The following RTL4 variants were observed in gnomAD, a reference collection of about 807,000 sequenced individuals.
RTL4 encodes retrotransposon Gag-like protein 4.
A neutral mutation model predicts 5.3 loss-of-function variants in RTL4; 4 were observed. That is an observed-to-expected ratio of 0.75 (90% CI 0.37 to 1.72). RTL4 has a LOEUF of 1.72. Ranked by LOEUF, RTL4 falls within the 40% of genes most tolerant of loss-of-function variation. RTL4 has a pLI of 0.04. For synonymous variants in RTL4, 98 were observed against 87.3 expected (o/e 1.12, Z -0.68); for missense variants, 260 against 227.1 (o/e 1.14, Z -0.93).
the RTL4 span, among the ~76,000 whole-genome samples, chrX:112,365,696 T>C: frequency 8.1e-5 from 9 of 111,738 alleles, no homozygotes; most frequent in East Asian, 2.0e-3. Context: ...CTCTGATTCT[T>C]GACCTAGATC....
chrX:112,230,770 C>T, the RTL4 span, among the ~76,000 whole-genome samples: 6 of 111,317 alleles, frequency 5.4e-5, no homozygotes, highest in Non-Finnish European at 7.6e-5. Flanking sequence ...CAAAAGAAAC[C>T]ACCATCAGAG....
At chrX:112,365,981 C>T in the RTL4 span, among the ~76,000 whole-genome samples, 4 of 111,203 alleles carry the variant, frequency 3.6e-5, no homozygotes, top group South Asian at 1.1e-3. Context: ...TTACTTTTTT[C>T]CTTCACTTCA....
the RTL4 span, among the ~76,000 whole-genome samples, chrX:112,429,554 T>C: frequency 2.7e-5 from 3 of 111,124 alleles, no homozygotes; most frequent in Non-Finnish European, 3.8e-5. Flanking sequence ...TTGCCATTAT[T>C]ATTTAAAACA....
the RTL4 span, among the ~76,000 whole-genome samples, chrX:112,127,765 T>G: frequency 8.9e-6 from 1 of 112,073 alleles, no homozygotes; most frequent in African/African-American, 3.2e-5. Context: ...TTCGTGTTTC[T>G]GTATACCCAC....
At chrX:112,317,065 T>C in the RTL4 span, among the ~76,000 whole-genome samples, 1 of 111,894 alleles carries the variant, frequency 8.9e-6, no homozygotes, top group Non-Finnish European at 1.9e-5. Context: ...GAGCAAATAA[T>C]GTCTAAACCT....
chrX:112,305,429 C>T, the RTL4 span, among the ~76,000 whole-genome samples: 1 of 109,301 alleles, frequency 9.1e-6, no homozygotes. Context: ...GTGGTGCCAT[C>T]TCGGCTCACT....
At chrX:112,118,228 CCTT>C in the RTL4 span, among the ~76,000 whole-genome samples, 1 of 112,055 alleles carries the variant, frequency 8.9e-6, no homozygotes, top group Non-Finnish European at 1.9e-5. Context: ...GGCTCAGAGT[CCTT>C]CATCAGTTCG....
the RTL4 span, among the ~76,000 whole-genome samples, chrX:112,341,124 G>C: frequency 2.9e-3 from 317 of 108,475 alleles, no homozygotes; most frequent in Non-Finnish European, 4.9e-3. Flanking sequence ...AATATTTAGA[G>C]GACAGAAAAA....
chrX:112,386,195 A>C, the RTL4 span, among the ~76,000 whole-genome samples: 1 of 112,122 alleles, frequency 8.9e-6, no homozygotes, highest in Non-Finnish European at 1.9e-5. Flanking sequence ...TAATAATCAT[A>C]TCAGGGTAAA....
the RTL4 span, among the ~76,000 whole-genome samples, chrX:112,305,750 T>C: frequency 1.3e-4 from 15 of 112,333 alleles, no homozygotes; most frequent in Non-Finnish European, 2.6e-4. Flanking sequence ...ATTCGTTGTA[T>C]AATATATGCC....
the RTL4 span, among the ~76,000 whole-genome samples, chrX:112,214,514 T>G: frequency 8.9e-6 from 1 of 112,413 alleles, no homozygotes; most frequent in Non-Finnish European, 1.9e-5. Context: ...ATTTCAATTC[T>G]TTTGGACATA....
the RTL4 span, among the ~76,000 whole-genome samples, chrX:112,400,606 A>G: frequency 9.0e-6 from 1 of 111,584 alleles, no homozygotes; most frequent in Admixed American, 9.6e-5. Flanking sequence ...TGGAAGACAG[A>G]CATTGTTAAT....
At chrX:112,359,834 T>G in the RTL4 span, among the ~76,000 whole-genome samples, 299 of 111,180 alleles carry the variant, frequency 2.7e-3, 2 homozygotes, top group African/African-American at 9.2e-3. Context: ...CACACAGTTT[T>G]CTGATGTAGG....
At chrX:112,335,006 A>C in the RTL4 span, among the ~76,000 whole-genome samples, 27 of 112,092 alleles carry the variant, frequency 2.4e-4, no homozygotes, top group African/African-American at 8.7e-4. Flanking sequence ...TGCTGGATTT[A>C]ATAAAATGGA....
At chrX:112,446,570 G>A in the RTL4 span, among the ~76,000 whole-genome samples, 1 of 112,410 alleles carries the variant, frequency 8.9e-6, no homozygotes, top group Non-Finnish European at 1.9e-5. Flanking sequence ...GGAATAGGCC[G>A]GGCTCAGTGG....
chrX:112,116,344 G>A, the RTL4 span, among the ~76,000 whole-genome samples: 9 of 111,342 alleles, frequency 8.1e-5, no homozygotes, highest in Non-Finnish European at 1.1e-4. Flanking sequence ...GACCTTCGCA[G>A]TGAGTGTTAC....
chrX:112,098,999 A>G, the RTL4 span, among the ~76,000 whole-genome samples: 2,341 of 111,952 alleles, frequency 0.021, 84 homozygotes, highest in African/African-American at 0.073. Flanking sequence ...CTAAAACACC[A>G]AAAGCAATGG....
At chrX:112,213,833 C>CT in the RTL4 span, among the ~76,000 whole-genome samples, 1,282 of 101,368 alleles carry the variant, frequency 0.013, 6 homozygotes, top group Non-Finnish European at 0.019. Flanking sequence ...GTTTTACCTT[C>CT]TTTTTTTTTT....
chrX:112,344,052 C>T, the RTL4 span, among the ~76,000 whole-genome samples: 1 of 112,049 alleles, frequency 8.9e-6, no homozygotes. Flanking sequence ...GTACATTATT[C>T]TTTCATATGT....
Sources: allele counts gnomAD v4.1 joint callset (sites outside exome capture counted in the v4.1 genomes callset), GRCh38; gene constraint gnomAD v4.1.1; transcripts MANE v1.5; gene names NCBI Gene and HGNC (gene_info 2026-07-23, HGNC 2026-07-21).